Variants in ANO4 observed in about 807,000 individuals in gnomAD.
ANO4 encodes the protein anoctamin-4.
Under a neutral mutation model 141.9 loss-of-function variants are expected in ANO4, and 69 were observed. That is an observed-to-expected ratio of 0.49 (90% CI 0.40 to 0.59). The LOEUF (loss-of-function observed/expected upper bound fraction) is 0.59. Ranked by LOEUF, ANO4 falls within the 20% of genes least tolerant of loss-of-function variation. The probability of loss-of-function intolerance (pLI) is 0.00; values close to 1 mark genes in which losing one functional copy is unlikely to be tolerated. For synonymous variants in ANO4, 350 were observed against 394.3 expected, an observed-to-expected ratio of 0.89 and a Z score of 1.33; for missense variants, 894 against 1,162.2, an observed-to-expected ratio of 0.77 and a Z score of 3.36.
At chr12:100,757,816 C>T (rs1301002356) in intron 3 of ANO4, among the ~76,000 whole-genome samples, 1 of 152,182 alleles carries the variant, frequency 6.6e-6, no homozygotes, top group Non-Finnish European at 1.5e-5. Flanking sequence ...ATTGTCTCAC[C>T]TTTCTTTTGG....
At chr12:100,969,389 C>T (rs1341908915) in intron 5 of ANO4, among the ~76,000 whole-genome samples, 1 of 152,170 alleles carries the variant, frequency 6.6e-6, no homozygotes, top group East Asian at 1.9e-4. Context: ...GAGAGTGCCT[C>T]CCACTACTGA....
At chr12:100,927,174 T>A (rs543323191) in intron 3 of ANO4, among the ~76,000 whole-genome samples, 1 of 152,228 alleles carries the variant, frequency 6.6e-6, no homozygotes, top group African/African-American at 2.4e-5. Context: ...AATGTTCTGC[T>A]CTTTACAAAA....
intron 1 of ANO4, among the ~76,000 whole-genome samples, chr12:100,849,137 T>C (rs898692325): frequency 6.6e-6 from 1 of 152,178 alleles, no homozygotes; most frequent in African/African-American, 2.4e-5. Flanking sequence ...GTCCTTTGGG[T>C]AAAAGATCCT....
rs552767520 is a variant in ANO4, at chr12:100,765,863, G to GT, written c.358+25770dup. 3.5e-3 allele frequency among the ~76,000 whole-genome samples: 507 copies of GT among 145,322 alleles called. 4 individuals carry two copies. Among genetic ancestry groups the GT allele is most frequent in the African/African-American group, 7.5e-3 (300 of 40,252 alleles). The stretch of plus-strand genomic sequence containing the variant: ...ATAGATATATTATTCACCTCAACTA[G>GT]TTTTTTTTTTTTGTGGTCAGAACAT... On this transcript the variant is annotated intron_variant, in intron 3 of 29. Coordinates refer to the ANO4 transcript ENST00000644049.
At position 101,086,647 on chromosome 12, in the gene ANO4, G is replaced by A. The variant is rs1442406726; in HGVS notation, c.1537-13G>A. 2 of 1,612,938 alleles carry A rather than the reference G, an allele frequency of 1.2e-6. No homozygotes were observed. The highest frequency in any genetic ancestry group is 2.2e-5 in the East Asian group (1 of 44,874). ...CACCAAGAGGTTCACCGGGTGTCTT[G>A]TCTTCCTGCCAGATCTGCGTGGTGA... is the stretch of plus-strand genomic sequence containing the variant. On this transcript the variant is annotated splice_polypyrimidine_tract_variant and intron_variant, in intron 16 of 27. Transcript: ENST00000392977.
chr12:101,119,283 C>T (rs2050984257), intron 25 of ANO4, among the ~76,000 whole-genome samples: 1 of 152,014 alleles, frequency 6.6e-6, no homozygotes, highest in South Asian at 2.1e-4. Context: ...CATGGTAAAA[C>T]CCTGTCTCTA....
chr12:100,876,361 G>C (rs1025857465), intron 1 of ANO4, among the ~76,000 whole-genome samples: 2 of 152,096 alleles, frequency 1.3e-5, no homozygotes, highest in Non-Finnish European at 2.9e-5. Flanking sequence ...AGGGTGGAGT[G>C]GGGGAGGATA....
intron 3 of ANO4, among the ~76,000 whole-genome samples, chr12:100,788,129 C>G (rs576880110): frequency 2.0e-5 from 3 of 152,250 alleles, no homozygotes; most frequent in African/African-American, 7.2e-5. Flanking sequence ...TGTGGTCAGG[C>G]TTGGGAGGAT....
chr12:100,763,245 G>T (rs970913414), intron 3 of ANO4, among the ~76,000 whole-genome samples: 6 of 152,108 alleles, frequency 3.9e-5, no homozygotes, highest in Admixed American at 6.5e-5. Flanking sequence ...TGGCCACAAG[G>T]GTCTGTACCC....
chr12:101,104,639 A>ATG (rs2050356701), intron 22 of ANO4, among the ~76,000 whole-genome samples: 2 of 59,472 alleles, frequency 3.4e-5, no homozygotes, highest in Non-Finnish European at 5.8e-5. Flanking sequence ...ATATATATAT[A>ATG]TATATATATA....
intron 1 of ANO4, among the ~76,000 whole-genome samples, chr12:100,828,266 G>C (rs373545974): frequency 5.3e-5 from 8 of 152,000 alleles, no homozygotes; most frequent in African/African-American, 1.9e-4. Flanking sequence ...TCCCCAATTG[G>C]AGAGGGGTAT....
intron 1 of ANO4, among the ~76,000 whole-genome samples, chr12:100,717,786 G>A (rs2030674959): frequency 6.6e-6 from 1 of 152,240 alleles, no homozygotes; most frequent in Admixed American, 6.5e-5. Flanking sequence ...GAGGATCTGG[G>A]AGCTTCGGGA....
intron 14 of ANO4, among the ~76,000 whole-genome samples, chr12:101,057,912 G>T (rs2048188990): frequency 6.6e-6 from 1 of 152,150 alleles, no homozygotes; most frequent in African/African-American, 2.4e-5. Context: ...ATTGGTTTTG[G>T]TGTTGTAGTC....
chr12:100,739,026 A>G (rs1404340268), intron 2 of ANO4, among the ~76,000 whole-genome samples: 1 of 69,638 alleles, frequency 1.4e-5, no homozygotes, highest in Non-Finnish European at 2.6e-5. Context: ...CTTTATATAT[A>G]TATAATCTCT....
chr12:100,808,591 C>T (rs1052148007), intron 1 of ANO4, among the ~76,000 whole-genome samples: 4 of 152,016 alleles, frequency 2.6e-5, no homozygotes, highest in African/African-American at 4.8e-5. Flanking sequence ...AGATATTCTT[C>T]CTATATATTT....
At chr12:100,827,713 G>A (rs985682549) in intron 1 of ANO4, among the ~76,000 whole-genome samples, 2 of 151,884 alleles carry the variant, frequency 1.3e-5, no homozygotes, top group African/African-American at 4.8e-5. Flanking sequence ...GATAATAAAA[G>A]CATTTTTAGC....
intron 11 of ANO4, among the ~76,000 whole-genome samples, chr12:101,040,559 G>C (rs986155796): frequency 9.8e-5 from 15 of 152,296 alleles, no homozygotes; most frequent in Admixed American, 9.8e-4. Flanking sequence ...AGATCAAAAA[G>C]TATATCAGCT....
At chr12:101,064,713 C>G (rs948606485) in intron 14 of ANO4, among the ~76,000 whole-genome samples, 2 of 150,538 alleles carry the variant, frequency 1.3e-5, no homozygotes, top group East Asian at 3.9e-4. Flanking sequence ...TAGTAGTTCC[C>G]CTTTTTCCAC....
chr12:100,899,005 A>C (rs2040468480), intron 1 of ANO4, among the ~76,000 whole-genome samples: 1 of 152,216 alleles, frequency 6.6e-6, no homozygotes, highest in Non-Finnish European at 1.5e-5. Context: ...GGAGTGGAAG[A>C]AAATCACTCC....
Sources: allele counts gnomAD v4.1 joint callset (sites outside exome capture counted in the v4.1 genomes callset), GRCh38; gene constraint gnomAD v4.1.1; transcripts MANE v1.5; gene names NCBI Gene and HGNC (gene_info 2026-07-23, HGNC 2026-07-21).